Variants in MCF2 observed in about 807,000 individuals in gnomAD.
MCF2 encodes proto-oncogene DBL.
Under a neutral mutation model 82.5 loss-of-function variants are expected in MCF2, and 44 were observed. The observed-to-expected ratio is 0.53, with a 90% CI of 0.42 to 0.69. The LOEUF is 0.69. Ranked by LOEUF, MCF2 falls within the 30% of genes least tolerant of loss-of-function variation. MCF2 has a pLI of 0.00. For missense variants in MCF2, 623 were observed against 663.1 expected (o/e 0.94, Z 0.66); for synonymous variants, 217 against 224.9 (o/e 0.96, Z 0.32).
intron 1 of MCF2, among the ~76,000 whole-genome samples, chrX:139,667,407 C>T (rs994570518): frequency 9.0e-6 from 1 of 111,143 alleles, no homozygotes; most frequent in Non-Finnish European, 1.9e-5. Flanking sequence ...CATGCCCAAG[C>T]GGTATGCACT....
exon 3 of MCF2, chrX:139,631,502 G>A (rs1397671645): frequency 1.7e-6 from 2 of 1,168,302 alleles, no homozygotes; most frequent in Non-Finnish European, 1.2e-6. Context: ...ACTGAGCTCA[G>A]CATAACAACC....
rs145322455 is a variant in MCF2, at chrX:139,659,702, C to A, written c.-44-7914G>T. 6.2e-3 allele frequency among the ~76,000 whole-genome samples: 695 copies of A among 111,794 alleles called. 25 individuals are homozygous for A. In the East Asian group the frequency reaches 0.14, roughly 22 times the overall value. ...CTACTTAAAAGAGGAAATGCCTCTACTCTCACATGGTTTCCTAAAAATAAA... is the reference window on the plus strand; with the variant it reads ...CTACTTAAAAGAGGAAATGCCTCTAATCTCACATGGTTTCCTAAAAATAAA... On this transcript the variant is annotated intron_variant, in intron 1 of 27. Coordinates refer to the MCF2 transcript ENST00000414978.
At chrX:139,701,533 T>C (rs992750757) in intron 1 of MCF2, among the ~76,000 whole-genome samples, 2 of 111,973 alleles carry the variant, frequency 1.8e-5, no homozygotes, top group Non-Finnish European at 3.8e-5. Context: ...AAGTGCCAAC[T>C]CCTGCCTGAG....
chrX:139,661,068 A>G (rs1460789428), intron 1 of MCF2, among the ~76,000 whole-genome samples: 1 of 112,067 alleles, frequency 8.9e-6, no homozygotes, highest in Non-Finnish European at 1.9e-5. Context: ...ATGAGAGAAA[A>G]GGGAAGGTTT....
chrX:139,659,284 T>TA (rs761832504), intron 1 of MCF2, among the ~76,000 whole-genome samples: 11 of 103,200 alleles, frequency 1.1e-4, no homozygotes, highest in East Asian at 3.0e-4. Flanking sequence ...AGACTTCGTC[T>TA]AAAAAAAAAA....
chrX:139,706,958 C>T (rs1935601990), intron 1 of MCF2, among the ~76,000 whole-genome samples: 2 of 109,127 alleles, frequency 1.8e-5, no homozygotes, highest in South Asian at 4.0e-4. Flanking sequence ...AATGTATTCC[C>T]CAAAAAAATG....
chrX:139,616,303 T>C, exon 9 of MCF2: 1 of 1,122,803 alleles, frequency 8.9e-7, no homozygotes, highest in Non-Finnish European at 1.2e-6. Flanking sequence ...GAGATAATAT[T>C]ACATCAAATT....
At chrX:139,641,245 T>G (rs1372435020) in intron 1 of MCF2, among the ~76,000 whole-genome samples, 2 of 108,596 alleles carry the variant, frequency 1.8e-5, no homozygotes, top group Non-Finnish European at 3.8e-5. Flanking sequence ...AAGTTAACCT[T>G]TGATAACAAA....
chrX:139,676,138 G>A (rs1245121097), intron 1 of MCF2, among the ~76,000 whole-genome samples: 1 of 112,836 alleles, frequency 8.9e-6, no homozygotes, highest in East Asian at 2.8e-4. Context: ...CCAGGTGTGA[G>A]ATATAATCTC....
At chrX:139,612,161 A>G (rs999836534) in intron 10 of MCF2, among the ~76,000 whole-genome samples, 2 of 110,506 alleles carry the variant, frequency 1.8e-5, no homozygotes, top group African/African-American at 6.6e-5. Flanking sequence ...TTTTTGATCA[A>G]TTAGAGGTAG....
chrX:139,637,774 G>T (rs776573896), intron 1 of MCF2, among the ~76,000 whole-genome samples: 1 of 111,623 alleles, frequency 9.0e-6, no homozygotes, highest in South Asian at 3.8e-4. Context: ...CTGGTAATAT[G>T]TTATCTTATA....
intron 1 of MCF2, among the ~76,000 whole-genome samples, chrX:139,664,635 AC>A (rs1206175829): frequency 9.8e-5 from 11 of 112,515 alleles, no homozygotes; most frequent in Admixed American, 5.6e-4. Context: ...GGAATCAGGG[AC>A]CGCATGAGCC....
intron 1 of MCF2, among the ~76,000 whole-genome samples, chrX:139,665,221 G>A (rs1263827934): frequency 9.0e-6 from 1 of 111,196 alleles, no homozygotes; most frequent in Non-Finnish European, 1.9e-5. Context: ...AAGTCCACTG[G>A]CTCTGAACCC....
intron 6 of MCF2, among the ~76,000 whole-genome samples, chrX:139,621,814 C>T (rs1932388089): frequency 9.0e-6 from 1 of 111,404 alleles, no homozygotes; most frequent in Admixed American, 9.6e-5. Context: ...AGGACATAGG[C>T]ATGGGCAAGG....
intron 20 of MCF2, among the ~76,000 whole-genome samples, chrX:139,589,236 T>C (rs991999666): frequency 3.6e-5 from 4 of 111,793 alleles, no homozygotes; most frequent in African/African-American, 1.3e-4. Flanking sequence ...AAAACATATT[T>C]TTATAGATTG....
intron 24 of MCF2, among the ~76,000 whole-genome samples, chrX:139,583,933 T>C (rs1928691384): frequency 9.0e-6 from 1 of 110,538 alleles, no homozygotes; most frequent in African/African-American, 3.3e-5. Flanking sequence ...CCTCTGTAAA[T>C]TGAAGGTAAT....
exon 1 of MCF2, chrX:139,642,697 A>AC (rs1415167522): frequency 3.8e-5 from 41 of 1,081,175 alleles, no homozygotes; most frequent in Non-Finnish European, 3.0e-5. Flanking sequence ...AAAAAAAAAA[A>AC]CCACTATCCC....
At position 139,622,486 on chromosome X, in the gene MCF2, T is replaced by A. The variant is rs1603290665; in HGVS notation, c.688-2780A>T. Among the ~76,000 whole-genome samples the A allele has an allele frequency of 2.7e-5, 3 of 111,543 alleles. No homozygotes were observed. In the South Asian group the frequency reaches 1.1e-3, roughly 43 times the overall value. ...CAAAGACTTGGAACCAAGCCAAATGTCCAACAACGATAGAGTGGATTAAGA... is the reference window on the plus strand; with the variant it reads ...CAAAGACTTGGAACCAAGCCAAATGACCAACAACGATAGAGTGGATTAAGA... On this transcript the variant is annotated intron_variant, in intron 6 of 24. Transcript: ENST00000370576.
intron 1 of MCF2, among the ~76,000 whole-genome samples, chrX:139,652,907 A>G (rs1934077152): frequency 9.0e-6 from 1 of 111,334 alleles, no homozygotes; most frequent in Non-Finnish European, 1.9e-5. Context: ...TGGTTCCACA[A>G]TAGACAGTGG....
Sources: gnomAD v4.1 joint callset for allele counts (sites outside exome capture counted in the v4.1 genomes callset) on GRCh38, gnomAD v4.1.1 for gene constraint, MANE v1.5 for transcripts, NCBI Gene and HGNC (gene_info 2026-07-23, HGNC 2026-07-21) for gene names.